ANO4: variants seen among roughly 807,000 people sequenced by gnomAD.
ANO4 encodes anoctamin 4.
Under a neutral mutation model 141.9 loss-of-function variants are expected in ANO4, and 69 were observed. The observed-to-expected ratio is 0.49, with a 90% CI of 0.40 to 0.59. ANO4 has a LOEUF of 0.59. Ranked by LOEUF, ANO4 falls within the 20% of genes least tolerant of loss-of-function variation. ANO4 has a pLI of 0.00. For missense variants in ANO4, 894 were observed against 1,162.2 expected (o/e 0.77, Z 3.36); for synonymous variants, 350 against 394.3 (o/e 0.89, Z 1.33).
chr12:100,983,016 G>A (rs1362973636), intron 7 of ANO4, among the ~76,000 whole-genome samples: 2 of 152,190 alleles, frequency 1.3e-5, no homozygotes, highest in South Asian at 2.1e-4. Flanking sequence ...TGAATCTTAT[G>A]CTTTCCAGCC....
chr12:101,066,719 G>C, intron 14 of ANO4: 1 of 764,060 alleles, frequency 1.3e-6, no homozygotes, highest in Non-Finnish European at 2.4e-6. Context: ...GCACCTGCTT[G>C]AGTCCTGCGT....
intron 8 of ANO4, among the ~76,000 whole-genome samples, chr12:101,008,024 C>G (rs756694634): frequency 6.6e-6 from 1 of 152,150 alleles, no homozygotes; most frequent in East Asian, 1.9e-4. Context: ...TCAGTCTAAT[C>G]TAGTGCATAA....
intron 1 of ANO4, among the ~76,000 whole-genome samples, chr12:100,808,193 G>C (rs2035181750): frequency 1.3e-5 from 2 of 152,096 alleles, no homozygotes; most frequent in African/African-American, 4.8e-5. Flanking sequence ...CAGTGTATAA[G>C]CGTTCCTTTT....
chr12:100,788,254 G>T (rs2033933939), intron 3 of ANO4, among the ~76,000 whole-genome samples: 1 of 152,140 alleles, frequency 6.6e-6, no homozygotes, highest in Admixed American at 6.5e-5. Flanking sequence ...AGTCTTCCCA[G>T]GATAGACTTG....
At chr12:100,866,070 C>T (rs1167034042) in intron 1 of ANO4, among the ~76,000 whole-genome samples, 2 of 152,110 alleles carry the variant, frequency 1.3e-5, no homozygotes, top group Non-Finnish European at 2.9e-5. Flanking sequence ...TTCCAGTCAG[C>T]CTCTAGAGTG....
intron 11 of ANO4, among the ~76,000 whole-genome samples, chr12:101,041,495 A>G (rs1343114879): frequency 6.6e-6 from 1 of 152,208 alleles, no homozygotes; most frequent in African/African-American, 2.4e-5. Flanking sequence ...TAGGCAGCAC[A>G]TTTCCCATTC....
At chr12:100,953,356 C>T (rs1276866440) in intron 5 of ANO4, among the ~76,000 whole-genome samples, 3 of 152,178 alleles carry the variant, frequency 2.0e-5, no homozygotes, top group Non-Finnish European at 4.4e-5. Flanking sequence ...GCTTGTAACC[C>T]TTACAAGTGA....
At chr12:100,992,338 T>G (rs1477870742) in intron 8 of ANO4, among the ~76,000 whole-genome samples, 1 of 152,202 alleles carries the variant, frequency 6.6e-6, no homozygotes, top group African/African-American at 2.4e-5. Context: ...TGCCTCCCAC[T>G]CTTCATTTGT....
intron 8 of ANO4, among the ~76,000 whole-genome samples, chr12:101,013,088 T>C (rs976373492): frequency 1.3e-5 from 2 of 152,192 alleles, no homozygotes; most frequent in African/African-American, 4.8e-5. Context: ...ATTTAAAACA[T>C]AACTACCATT....
chr12:101,021,091 C>T (rs533084913), intron 9 of ANO4, among the ~76,000 whole-genome samples: 2 of 152,310 alleles, frequency 1.3e-5, no homozygotes, highest in East Asian at 1.9e-4. Context: ...GAAGACTCCT[C>T]GCTACAATGC....
chr12:100,813,891 A>G (rs1188480093), intron 1 of ANO4, among the ~76,000 whole-genome samples: 1 of 152,190 alleles, frequency 6.6e-6, no homozygotes, highest in Non-Finnish European at 1.5e-5. Context: ...AAGGGGATAC[A>G]TAGCTTTTTG....
At chr12:100,809,184 C>T (rs542082759) in intron 1 of ANO4, among the ~76,000 whole-genome samples, 2 of 152,156 alleles carry the variant, frequency 1.3e-5, no homozygotes, top group African/African-American at 4.8e-5. Context: ...ACCAGGAGTT[C>T]CAGACCCACC....
intron 13 of ANO4, 44 bp downstream of exon 13, chr12:101,043,679 ACACCT>A: frequency 7.0e-6 from 10 of 1,420,164 alleles, no homozygotes; most frequent in Non-Finnish European, 8.0e-6. Context: ...AATTTAACAT[ACACCT>A]TCCTGAGGGA....
chr12:101,059,127 C>T lies in ANO4; in HGVS notation c.1312+10726C>T, dbSNP rs374703163. Among the ~76,000 whole-genome samples the T allele has an allele frequency of 9.9e-5, 15 of 152,056 alleles. No individual in the cohort carries two copies. In the South Asian group the frequency reaches 1.5e-3, roughly 15 times the overall value. ...TGTATCTATTGAGATAATCATGTGGCTTTTGTCATTGGTTCTGTTTTTGTG... is the reference window on the plus strand; with the variant it reads ...TGTATCTATTGAGATAATCATGTGGTTTTTGTCATTGGTTCTGTTTTTGTG... On this transcript the variant is annotated intron_variant, in intron 14 of 27. Coordinates refer to ENST00000392977, the MANE Select transcript of ANO4 (RefSeq NM_001286615.2).
In ANO4 at chr12:101,065,668, A is replaced by G. The variant is rs113913276; in HGVS notation, c.1313-13525A>G. On this transcript the variant is annotated intron_variant, in intron 14 of 27. Coordinates refer to ENST00000392977, the MANE Select transcript of ANO4 (RefSeq NM_001286615.2). ...CAGGACCCAATTGCTTCACTGCTGA[A>G]TTCTACCAAACATTTAAAGAAGATC... 5.6e-3 allele frequency among the ~76,000 whole-genome samples: 848 copies of G among 152,300 alleles called. 12 individuals carry two copies. The highest frequency in any genetic ancestry group is 0.02 in the African/African-American group (816 of 41,564).
At chr12:100,961,954 A>C (rs12423681) in intron 5 of ANO4, among the ~76,000 whole-genome samples, 25,348 of 152,120 alleles carry the variant, frequency 0.17, 2,430 homozygotes, top group East Asian at 0.42. Flanking sequence ...TAAGTCTTCC[A>C]GACTTGACAT....
At chr12:100,799,185 A>G (rs141562729) in intron 1 of ANO4, among the ~76,000 whole-genome samples, 2 of 152,312 alleles carry the variant, frequency 1.3e-5, no homozygotes, top group African/African-American at 4.8e-5. Context: ...CCCAGCCATT[A>G]AAAATTGTGA....
intron 2 of ANO4, among the ~76,000 whole-genome samples, chr12:100,734,036 A>G (rs1337858860): frequency 6.6e-6 from 1 of 152,170 alleles, no homozygotes; most frequent in Non-Finnish European, 1.5e-5. Flanking sequence ...GTGGATTTCT[A>G]CTGCTTTTGC....
At chr12:100,717,431 G>A, upstream of ANO4, 1 of 390,874 alleles carries the variant, frequency 2.6e-6, no homozygotes, top group Non-Finnish European at 4.5e-6. Flanking sequence ...AGAGCCAAGC[G>A]CATGCACTCG....
Sources: allele counts gnomAD v4.1 joint callset (sites outside exome capture counted in the v4.1 genomes callset), GRCh38; gene constraint gnomAD v4.1.1; transcripts MANE v1.5; gene names NCBI Gene and HGNC (gene_info 2026-07-23, HGNC 2026-07-21).